Variants in SPAG16 observed in about 807,000 individuals in gnomAD.
SPAG16 encodes sperm-associated antigen 16 protein.
A neutral mutation model predicts 80.4 loss-of-function variants in SPAG16; 86 were observed. The ratio of observed to expected loss-of-function variants is 1.07; its 90% CI spans 0.90 to 1.28. The LOEUF (loss-of-function observed/expected upper bound fraction) is 1.28, where lower values mean the gene tolerates loss of function less well. Ranked by LOEUF, SPAG16 falls within the 50% of genes most tolerant of loss-of-function variation. The probability of loss-of-function intolerance (pLI) is 0.00; values close to 1 mark genes in which losing one functional copy is unlikely to be tolerated. For synonymous variants in SPAG16, 294 were observed against 265.9 expected (o/e 1.11, Z -1.03); for missense variants, 870 against 765.3 (o/e 1.14, Z -1.61).
At chr2:213,841,153 A>C (rs2074344888) in intron 10 of SPAG16, among the ~76,000 whole-genome samples, 1 of 152,170 alleles carries the variant, frequency 6.6e-6, no homozygotes, top group Non-Finnish European at 1.5e-5. Context: ...CCTTAAAAAA[A>C]TGAGAGGGGG....
chr2:214,277,236 C>T (rs1008386258), intron 15 of SPAG16, among the ~76,000 whole-genome samples: 3 of 152,096 alleles, frequency 2.0e-5, no homozygotes, highest in Admixed American at 6.5e-5. Flanking sequence ...GTTCAAACAT[C>T]CTCCTTTAGC....
chr2:213,603,535 A>C (rs1485441295), intron 10 of SPAG16, among the ~76,000 whole-genome samples: 1 of 152,246 alleles, frequency 6.6e-6, no homozygotes, highest in Non-Finnish European at 1.5e-5. Context: ...AAAATTATCT[A>C]ATATTCACTA....
chr2:214,149,094 T>TATATATATATAC (rs1553515470), intron 14 of SPAG16, 46 bp from the exon 15 acceptor site: 6 of 706,180 alleles, frequency 8.5e-6, no homozygotes, highest in African/African-American at 5.8e-5. Flanking sequence ...TATATATATA[T>TATATATATATAC]ATACATACAT....
intron 13 of SPAG16, among the ~76,000 whole-genome samples, chr2:214,026,995 T>C (rs2048164904): frequency 6.6e-6 from 1 of 151,680 alleles, no homozygotes; most frequent in African/African-American, 2.4e-5. Flanking sequence ...TTTGTATATC[T>C]AAAGTTTCAT....
chr2:213,610,629 AG>A (rs1409838869), intron 10 of SPAG16, among the ~76,000 whole-genome samples: 2 of 152,220 alleles, frequency 1.3e-5, no homozygotes, highest in Non-Finnish European at 2.9e-5. Flanking sequence ...ATTCAGCGCA[AG>A]TCTGCAGTGC....
intron 15 of SPAG16, among the ~76,000 whole-genome samples, chr2:214,191,641 G>A (rs571425092): frequency 6.7e-6 from 1 of 150,082 alleles, no homozygotes; most frequent in South Asian, 2.1e-4. Context: ...TTGAACTTGG[G>A]AGGCGAAGGT....
At chr2:214,048,545 C>A (rs2125122711) in intron 13 of SPAG16, among the ~76,000 whole-genome samples, 1 of 149,982 alleles carries the variant, frequency 6.7e-6, no homozygotes, top group Non-Finnish European at 1.5e-5. Flanking sequence ...GGATGATTAC[C>A]AGAGACTAGG....
At chr2:214,379,315 A>G (rs1161090055) in intron 15 of SPAG16, among the ~76,000 whole-genome samples, 3 of 152,234 alleles carry the variant, frequency 2.0e-5, no homozygotes, top group Non-Finnish European at 4.4e-5. Flanking sequence ...CCAACTTCCA[A>G]TGAATTATTT....
At chr2:213,341,683 C>T (rs1281256474) in intron 6 of SPAG16, among the ~76,000 whole-genome samples, 1 of 152,066 alleles carries the variant, frequency 6.6e-6, no homozygotes, top group African/African-American at 2.4e-5. Flanking sequence ...AGGTGCATGC[C>T]ACCATACCCA....
chr2:214,018,159 A>G (rs550599789), intron 13 of SPAG16, among the ~76,000 whole-genome samples: 1 of 152,122 alleles, frequency 6.6e-6, no homozygotes, highest in Admixed American at 6.6e-5. Context: ...AAATTCTACA[A>G]GTGAAATACG....
chr2:214,225,004 ATTTGTTCATT>A (rs1192860352), intron 15 of SPAG16, among the ~76,000 whole-genome samples: 1 of 152,134 alleles, frequency 6.6e-6, no homozygotes, highest in Non-Finnish European at 1.5e-5. Context: ...AGAGGGAGGA[ATTTGTTCATT>A]TTTATTGAAT....
intron 13 of SPAG16, among the ~76,000 whole-genome samples, chr2:214,104,995 C>T (rs1019525396): frequency 6.6e-6 from 1 of 152,006 alleles, no homozygotes; most frequent in Non-Finnish European, 1.5e-5. Flanking sequence ...ATAAGGCCAC[C>T]GACATAATCA....
At chr2:213,657,525 G>A (rs1308209928) in intron 10 of SPAG16, among the ~76,000 whole-genome samples, 2 of 152,128 alleles carry the variant, frequency 1.3e-5, no homozygotes, top group Non-Finnish European at 2.9e-5. Flanking sequence ...TGATTTAGAG[G>A]CTAATTTGAA....
chr2:213,465,892 T>C (rs1471776263), intron 9 of SPAG16, among the ~76,000 whole-genome samples: 4 of 152,302 alleles, frequency 2.6e-5, no homozygotes, highest in African/African-American at 9.6e-5. Flanking sequence ...TGCAAAGTAT[T>C]GTTCCTGGGT....
At chr2:213,650,502 A>G (rs1403879467) in intron 10 of SPAG16, among the ~76,000 whole-genome samples, 1 of 152,240 alleles carries the variant, frequency 6.6e-6, no homozygotes, top group Non-Finnish European at 1.5e-5. Flanking sequence ...ACTGATAGCT[A>G]CTATTAATGC....
intron 15 of SPAG16, among the ~76,000 whole-genome samples, chr2:214,302,286 A>G (rs1429639229): frequency 6.6e-6 from 1 of 152,178 alleles, no homozygotes; most frequent in Non-Finnish European, 1.5e-5. Flanking sequence ...TTAAATGTCT[A>G]TCAGGTCCAC....
At chr2:214,114,308 C>T (rs969282519) in intron 14 of SPAG16, among the ~76,000 whole-genome samples, 4 of 152,232 alleles carry the variant, frequency 2.6e-5, no homozygotes, top group African/African-American at 9.6e-5. Flanking sequence ...AGGAGGCAGG[C>T]TGTCCATTCT....
At chr2:214,388,263 G>T (rs147942548) in intron 15 of SPAG16, among the ~76,000 whole-genome samples, 112 of 151,868 alleles carry the variant, frequency 7.4e-4, no homozygotes, top group African/African-American at 2.5e-3. Flanking sequence ...AAATAGCAGG[G>T]TCCCTATTTA....
chr2:214,372,281 A>G (rs968753947), intron 15 of SPAG16, among the ~76,000 whole-genome samples: 2 of 152,158 alleles, frequency 1.3e-5, no homozygotes, highest in African/African-American at 2.4e-5. Flanking sequence ...AGTGTGTTCT[A>G]TTTCCTTTCC....
Sources: allele counts gnomAD v4.1 joint callset (sites outside exome capture counted in the v4.1 genomes callset), GRCh38; gene constraint gnomAD v4.1.1; transcripts MANE v1.5; gene names NCBI Gene and HGNC (gene_info 2026-07-23, HGNC 2026-07-21).